The following LARGE1 variants were observed in gnomAD, a reference collection of about 807,000 sequenced individuals.
LARGE1 encodes xylosyl- and glucuronyltransferase LARGE1.
In LARGE1, 43 loss-of-function variants were observed where a neutral mutation model predicts 87.6. The observed-to-expected ratio is 0.49, with a 90% CI of 0.38 to 0.63. LARGE1 has a LOEUF of 0.63. Ranked by LOEUF, LARGE1 falls within the 30% of genes least tolerant of loss-of-function variation. LARGE1 has a pLI of 0.00. For synonymous variants in LARGE1, 434 were observed against 394.6 expected (o/e 1.10, Z -1.18); for missense variants, 802 against 1,000.2 (o/e 0.80, Z 2.67).
At chr22:33,515,905 C>T (rs900555864) in intron 6 of LARGE1, among the ~76,000 whole-genome samples, 2 of 152,206 alleles carry the variant, frequency 1.3e-5, no homozygotes, top group African/African-American at 4.8e-5. Flanking sequence ...AAAGAACACT[C>T]CCACCTGTGT....
chr22:33,760,008 C>G (rs1021376514), intron 2 of LARGE1, among the ~76,000 whole-genome samples: 1 of 152,206 alleles, frequency 6.6e-6, no homozygotes, highest in Non-Finnish European at 1.5e-5. Flanking sequence ...CACACAGTTT[C>G]ACCTTGTTTA....
At chr22:33,782,582 T>C (rs530504562) in intron 1 of LARGE1, among the ~76,000 whole-genome samples, 1 of 152,172 alleles carries the variant, frequency 6.6e-6, no homozygotes, top group Non-Finnish European at 1.5e-5. Context: ...AAGAATCAAA[T>C]TGGGCTGGGC....
intron 9 of LARGE1, among the ~76,000 whole-genome samples, chr22:33,347,530 A>G (rs1197969918): frequency 6.6e-6 from 1 of 152,244 alleles, no homozygotes; most frequent in African/African-American, 2.4e-5. Context: ...TCTAAGGGAC[A>G]AAGAGCTTGT....
intron 6 of LARGE1, among the ~76,000 whole-genome samples, chr22:33,451,351 C>CTTGTT (rs1555921019): frequency 4.7e-5 from 7 of 150,038 alleles, no homozygotes; most frequent in African/African-American, 1.5e-4. Context: ...CAAAAAAATT[C>CTTGTT]TTATTTTATT....
At chr22:33,306,100 T>C (rs1489841098) in intron 11 of LARGE1, among the ~76,000 whole-genome samples, 1 of 152,120 alleles carries the variant, frequency 6.6e-6, no homozygotes, top group Non-Finnish European at 1.5e-5. Context: ...CACCTCGGCC[T>C]CCCAAAGTGC....
intron 1 of LARGE1, among the ~76,000 whole-genome samples, chr22:33,911,201 G>A (rs1291878458): frequency 6.6e-6 from 1 of 152,178 alleles, no homozygotes; most frequent in Admixed American, 6.5e-5. Flanking sequence ...AGGGAGCCTA[G>A]GTTCTGGTTC....
intron 9 of LARGE1, among the ~76,000 whole-genome samples, chr22:33,368,366 T>G (rs1187423969): frequency 6.6e-6 from 1 of 151,892 alleles, no homozygotes; most frequent in African/African-American, 2.4e-5. Flanking sequence ...AAACCCCATC[T>G]CTACCAAAAA....
chr22:33,836,123 G>C (rs562701611), intron 1 of LARGE1, among the ~76,000 whole-genome samples: 25 of 152,312 alleles, frequency 1.6e-4, no homozygotes, highest in African/African-American at 6.0e-4. Context: ...TGACTAGAGT[G>C]CAGTCCAGTT....
At chr22:33,675,270 G>C (rs2081535716) in intron 2 of LARGE1, among the ~76,000 whole-genome samples, 1 of 83,812 alleles carries the variant, frequency 1.2e-5, no homozygotes, top group East Asian at 3.8e-4. Context: ...CTCCAGCCTG[G>C]GCAACAAGAG....
intron 4 of LARGE1, among the ~76,000 whole-genome samples, chr22:33,625,132 G>A (rs1473764130): frequency 6.6e-6 from 1 of 152,182 alleles, no homozygotes; most frequent in Non-Finnish European, 1.5e-5. Context: ...CTACTATGGA[G>A]AGCCTCCTGG....
At chr22:33,862,191 C>A (rs141640744) in intron 1 of LARGE1, among the ~76,000 whole-genome samples, 73 of 152,226 alleles carry the variant, frequency 4.8e-4, no homozygotes, top group African/African-American at 1.6e-3. Context: ...CAGACAAATC[C>A]TCTGTCCTCG....
intron 13 of LARGE1, 105 bp downstream of exon 13, chr22:33,283,096 CT>C: frequency 7.0e-7 from 1 of 1,423,616 alleles, no homozygotes. Flanking sequence ...TCACAATGGA[CT>C]AAGGCGAGCG....
intron 11 of LARGE1, among the ~76,000 whole-genome samples, chr22:33,169,154 T>C (rs1463143060): frequency 6.6e-6 from 1 of 152,246 alleles, no homozygotes; most frequent in Admixed American, 6.5e-5. Flanking sequence ...TTTGCTTTTG[T>C]ATAAGATATG....
Position 33,240,829 on chromosome 22 carries a change from G to A in LARGE1, c.1730+63400C>T, listed in dbSNP as rs138145932. ...CTCAATCTAGGTTCAGATGCTACTC[G>A]TTTTCTGCTCAGTCTGTGTCTGAGC... On this transcript the variant is annotated intron_variant, in intron 11 of 11. Coordinates refer to the LARGE1 transcript ENST00000608642. Among the ~76,000 whole-genome samples the A allele has an allele frequency of 2.4e-3, 359 of 152,142 alleles. 1 individual carries two copies. Among genetic ancestry groups the A allele is most frequent in the Non-Finnish European group, 3.9e-3 (264 of 67,998 alleles).
chr22:33,808,748 C>T (rs2146146000), intron 1 of LARGE1, among the ~76,000 whole-genome samples: 1 of 152,276 alleles, frequency 6.6e-6, no homozygotes, highest in East Asian at 1.9e-4. Flanking sequence ...AAAGTCTATC[C>T]TCTTCGCATT....
intron 2 of LARGE1, among the ~76,000 whole-genome samples, chr22:33,655,059 A>G (rs570420048): frequency 1.3e-5 from 2 of 152,328 alleles, no homozygotes; most frequent in East Asian, 3.9e-4. Context: ...CAAGTTCCAT[A>G]TGTATCTTGT....
intron 1 of LARGE1, among the ~76,000 whole-genome samples, chr22:33,798,875 C>T (rs1332045047): frequency 6.6e-6 from 1 of 152,184 alleles, no homozygotes; most frequent in Non-Finnish European, 1.5e-5. Context: ...GGAGCACGAG[C>T]ACATACATCC....
chr22:33,631,252 C>T (rs1278351502), intron 3 of LARGE1, among the ~76,000 whole-genome samples: 3 of 152,044 alleles, frequency 2.0e-5, no homozygotes, highest in Admixed American at 6.6e-5. Context: ...ACGACAGCCT[C>T]GAAGTCCTGG....
chr22:33,646,083 C>T (rs1384953288), intron 3 of LARGE1, among the ~76,000 whole-genome samples: 1 of 151,838 alleles, frequency 6.6e-6, no homozygotes, highest in Admixed American at 6.6e-5. Flanking sequence ...CAGCAATCTA[C>T]TGGGTATATA....
Sources: allele counts gnomAD v4.1 joint callset (sites outside exome capture counted in the v4.1 genomes callset), GRCh38; gene constraint gnomAD v4.1.1; transcripts MANE v1.5; gene names NCBI Gene and HGNC (gene_info 2026-07-23, HGNC 2026-07-21).